The following FKBP8 variants were observed in gnomAD, a reference collection of about 807,000 sequenced individuals.
FKBP8 encodes FKBP prolyl isomerase 8, also known as peptidyl-prolyl cis-trans isomerase FKBP8.
FKBP8 carries 5 observed loss-of-function variants against 41.7 expected under a neutral mutation model. The observed-to-expected ratio is 0.12, with a 90% CI of 0.06 to 0.25. The LOEUF is 0.25. FKBP8 is among the 10% of genes least tolerant of loss of function. FKBP8 has a pLI of 1.00. For synonymous variants in FKBP8, 279 were observed against 254.5 expected (o/e 1.10, Z -0.92); for missense variants, 397 against 563.0 (o/e 0.71, Z 2.98).
At chr19:18,541,050 A>G (rs182115990) in intron 2 of FKBP8, among the ~76,000 whole-genome samples, 216 of 152,144 alleles carry the variant, frequency 1.4e-3, no homozygotes, top group Non-Finnish European at 2.3e-3. Flanking sequence ...GGTATATTAG[A>G]TATCAGTACT....
At chr19:18,542,213 C>A in intron 1 of FKBP8, 1 of 551,726 alleles carries the variant, frequency 1.8e-6, no homozygotes, top group Non-Finnish European at 3.1e-6. Context: ...ATAGTGTTAG[C>A]CATTATTAGA....
chr19:18,542,031 T>C (rs1286584365), intron 1 of FKBP8, 36 bp from the exon 2 acceptor site: 1 of 1,578,686 alleles, frequency 6.3e-7, no homozygotes, highest in Admixed American at 1.7e-5. Flanking sequence ...GTCAGAATCC[T>C]ACACAGCCCC....
In FKBP8 at chr19:18,539,974, T is replaced by C. The variant is rs117805809; in HGVS notation, c.293-254A>G. Among the ~76,000 whole-genome samples, 110 of 151,874 alleles carry C rather than the reference T, an allele frequency of 7.2e-4. 2 individuals carry two copies. The East Asian group carries it at 0.019, about 26-fold the overall frequency. ...TGCTAGAGACCAGCTCAGTGAACAA[T>C]GGTTGGTCTGGTTTTTTTGTTTTTT... On this transcript the variant is annotated intron_variant, in intron 2 of 8. Coordinates refer to ENST00000608443, the MANE Select transcript of FKBP8 (RefSeq NM_012181.5).
Position 18,538,516 on chromosome 19 carries a change from G to T in FKBP8, c.552-80C>A. On this transcript the variant is annotated intron_variant, in intron 4 of 8. Coordinates refer to ENST00000608443, the MANE Select transcript of FKBP8 (RefSeq NM_012181.5). The surrounding 1 kb of genome is among the most constrained non-coding windows in gnomAD (Gnocchi z 4.0). ...CGCTGGGCTGGCTAGGAAGGAGTGAGCTTGGCTCAAGCCCCCGATCTGTCT... is the reference window on the plus strand; with the variant it reads ...CGCTGGGCTGGCTAGGAAGGAGTGATCTTGGCTCAAGCCCCCGATCTGTCT... The T allele has an allele frequency of 1.6e-6, 2 of 1,248,420 alleles. No homozygotes were observed. Among genetic ancestry groups the T allele is most frequent in the Non-Finnish European group, 2.2e-6 (2 of 901,386 alleles). 77.3% of individuals were successfully genotyped at this position (1,248,420 alleles called of 1,614,324 possible). A position where few individuals can be genotyped will look rare whatever the true frequency, so the allele number is the denominator to read the frequency against.
At chr19:18,542,973 G>A (rs1247729829) in intron 1 of FKBP8, 9 of 1,027,844 alleles carry the variant, frequency 8.8e-6, no homozygotes, top group Non-Finnish European at 8.4e-6. Flanking sequence ...CGCACAATTC[G>A]GCCTCCCCTC....
intron 6 of FKBP8, 49 bp from the exon 7 acceptor site, chr19:18,533,396 T>C (rs756659385): frequency 6.7e-7 from 1 of 1,485,228 alleles, no homozygotes. Flanking sequence ...CCTGGGCCTG[T>C]CCTTCAAGAA....
In FKBP8 at chr19:18,539,732, C is replaced by T; in HGVS notation, c.293-12G>A. Reference sequence around the variant, plus strand: ...CAACAGCCCGTTCCCTGCCAGGGTCCAGGGACATGCAGCCTGTCACCTGGC... The same window carrying T: ...CAACAGCCCGTTCCCTGCCAGGGTCTAGGGACATGCAGCCTGTCACCTGGC... On this transcript the variant is annotated splice_polypyrimidine_tract_variant and intron_variant, in intron 2 of 8. Coordinates refer to ENST00000608443, the MANE Select transcript of FKBP8 (RefSeq NM_012181.5). The T allele has an allele frequency of 6.2e-7, 1 of 1,603,728 alleles. No individual in the cohort carries two copies. Among genetic ancestry groups the T allele is most frequent in the East Asian group, 2.2e-5 (1 of 44,840 alleles).
intron 6 of FKBP8, among the ~76,000 whole-genome samples, chr19:18,534,866 C>A (rs1279707890): frequency 2.0e-5 from 3 of 152,184 alleles, no homozygotes; most frequent in Non-Finnish European, 4.4e-5. Flanking sequence ...TGGCTCAATG[C>A]AAGCTCTGCC....
At position 18,539,465 on chromosome 19, in the gene FKBP8, G is replaced by T; in HGVS notation, c.463-6C>A. ...GGGACACTGAGATCCAGGGCCTGGG[G>T]TGTGTGGGGATAGCCAGCTGTCAGG... On this transcript the variant is annotated splice_polypyrimidine_tract_variant and splice_region_variant and intron_variant, in intron 3 of 8. Transcript: ENST00000608443. 6.2e-7 allele frequency: 1 copy of T among 1,613,420 alleles called. No homozygotes were observed. The highest frequency in any genetic ancestry group is 1.1e-5 in the South Asian group (1 of 91,076).
chr19:18,533,332 C>T lies in FKBP8; in HGVS notation c.961G>A (p.Gly321Arg). The T allele has an allele frequency of 6.2e-7, 1 of 1,605,288 alleles. No individual in the cohort carries two copies. The change falls in exon 7 of 9, where the codon GGG becomes AGG. Residue 321 changes from glycine to arginine, a missense_variant. Coordinates refer to ENST00000608443, the MANE Select transcript of FKBP8 (RefSeq NM_012181.5). ...FRKGKVLAQQ[G>R]EYSEAIPILR... ...ATGGGGATGGCCTCACTGTACTCCC[C>T]CTGCTGGGCCAGCACCTGTAAGGGG...
intron 2 of FKBP8, among the ~76,000 whole-genome samples, chr19:18,541,107 T>C (rs1976688776): frequency 6.6e-6 from 1 of 151,992 alleles, no homozygotes; most frequent in Admixed American, 6.6e-5. Flanking sequence ...ATTTCTCTTG[T>C]TTTCAGTTGC....
At chr19:18,540,118 C>T (rs1299232407) in intron 2 of FKBP8, among the ~76,000 whole-genome samples, 1 of 152,050 alleles carries the variant, frequency 6.6e-6, no homozygotes, top group Non-Finnish European at 1.5e-5. Context: ...CCCAGTCTCC[C>T]CACCCTCCTC....
intron 1 of FKBP8, chr19:18,542,876 C>T (rs1446371505): frequency 7.8e-7 from 1 of 1,282,570 alleles, no homozygotes; most frequent in South Asian, 1.2e-5. Context: ...GCATCCCCTC[C>T]CTAACCCTCA....
In FKBP8 at chr19:18,541,632, C is replaced by T. The variant is rs1976701841; in HGVS notation, c.292+47G>A. 9 of 1,554,652 alleles carry T rather than the reference C, an allele frequency of 5.8e-6. No individual in the cohort carries two copies. In the South Asian group the frequency reaches 7.4e-5, roughly 13 times the overall value. The stretch of plus-strand genomic sequence containing the variant: ...AGATGGGGAAATGAGGCTCAGGGGA[C>T]GAGAGGGCCAGGGCCAAGGGCACCC... On this transcript the variant is annotated intron_variant, in intron 2 of 8. Coordinates refer to ENST00000608443, the MANE Select transcript of FKBP8 (RefSeq NM_012181.5).
intron 6 of FKBP8, among the ~76,000 whole-genome samples, chr19:18,534,897 C>T (rs58891178): frequency 0.027 from 4,113 of 152,188 alleles, 177 homozygotes; most frequent in African/African-American, 0.092. Flanking sequence ...ACGCCATTCT[C>T]CTGCCTCAGC....
At chr19:18,542,123 T>C (rs1976716698) in intron 1 of FKBP8, 128 bp from the exon 2 acceptor site, 1 of 1,374,304 alleles carries the variant, frequency 7.3e-7, no homozygotes, top group Non-Finnish European at 9.6e-7. Context: ...AGTTTCCTCA[T>C]CTATACAGTG....
At position 18,532,798 on chromosome 19, in the gene FKBP8, G is replaced by A. The variant is rs190839573; in HGVS notation, c.1024-3C>T. The A allele has an allele frequency of 9.3e-6, 15 of 1,613,556 alleles. No homozygotes were observed. The African/African-American group carries it at 2.0e-4, about 21-fold the overall frequency. On this transcript the variant is annotated splice_region_variant and splice_polypyrimidine_tract_variant and intron_variant, in intron 7 of 8. Coordinates refer to ENST00000608443, the MANE Select transcript of FKBP8 (RefSeq NM_012181.5). ...TTTGAGAGCTCTGCGTGGATCGTCTGCAGAAGGCAGGGGAAGCTGAGAACA... is the reference window on the plus strand; with the variant it reads ...TTTGAGAGCTCTGCGTGGATCGTCTACAGAAGGCAGGGGAAGCTGAGAACA...
At chr19:18,541,499 C>A (rs528399030) in intron 2 of FKBP8, among the ~76,000 whole-genome samples, 180 bp downstream of exon 2, 117 of 152,310 alleles carry the variant, frequency 7.7e-4, no homozygotes, top group Middle Eastern at 3.4e-3. Context: ...GCACATTGTG[C>A]ATGTGTGTGA....
In FKBP8 at chr19:18,532,591, T is replaced by C. The variant is rs1976473875; in HGVS notation, c.1155+73A>G. ...ACGGCCCAGTCTCCGAGGACATCCATGTATGCAAAATAAAATCCCTCTGCT... is the reference window on the plus strand; with the variant it reads ...ACGGCCCAGTCTCCGAGGACATCCACGTATGCAAAATAAAATCCCTCTGCT... On this transcript the variant is annotated intron_variant, in intron 8 of 8. Coordinates refer to ENST00000608443, the MANE Select transcript of FKBP8 (RefSeq NM_012181.5). 4.4e-6 allele frequency: 7 copies of C among 1,573,940 alleles called. 1 individual carries two copies. The highest frequency in any genetic ancestry group is 3.5e-5 in the South Asian group (3 of 85,778).
Sources: gnomAD v4.1 joint callset for allele counts (sites outside exome capture counted in the v4.1 genomes callset) on GRCh38, gnomAD v4.1.1 for gene constraint, Gnocchi (gnomAD v3.1) non-coding constraint, MANE v1.5 for transcripts, NCBI Gene and HGNC (gene_info 2026-07-23, HGNC 2026-07-21) for gene names.